TNS3: variants seen among roughly 807,000 people sequenced by gnomAD.
TNS3 encodes the protein tensin 3.
Under a neutral mutation model 140.9 loss-of-function variants are expected in TNS3, and 45 were observed. The ratio of observed to expected loss-of-function variants is 0.32; its 90% CI spans 0.25 to 0.41. TNS3 has a LOEUF of 0.41. Among genes scored for constraint, TNS3 ranks in the 10% least tolerant of loss-of-function variants. TNS3 has a pLI of 1.00. For synonymous variants in TNS3, 815 were observed against 788.4 expected (o/e 1.03, Z -0.56); for missense variants, 1,716 against 1,906.7 (o/e 0.90, Z 1.86).
At chr7:47,508,161 A>C (rs1798486547) in intron 2 of TNS3, among the ~76,000 whole-genome samples, 1 of 152,188 alleles carries the variant, frequency 6.6e-6, no homozygotes, top group Non-Finnish European at 1.5e-5. Context: ...TGATGTGTCA[A>C]AGTCAAAAAG....
chr7:47,434,810 G>A (rs527482568), intron 8 of TNS3, among the ~76,000 whole-genome samples: 1 of 152,318 alleles, frequency 6.6e-6, no homozygotes, highest in South Asian at 2.1e-4. Flanking sequence ...TGTCTGCACT[G>A]CAATGGCTCC....
chr7:47,441,712 A>T (rs1168609587), intron 5 of TNS3, among the ~76,000 whole-genome samples: 1 of 152,164 alleles, frequency 6.6e-6, no homozygotes, highest in African/African-American at 2.4e-5. Context: ...TCTTGCCAGC[A>T]CACCCTGGAG....
intron 30 of TNS3, 195 bp from the exon 31 acceptor site, chr7:47,278,415 T>C: frequency 1.6e-6 from 1 of 613,680 alleles, no homozygotes; most frequent in Non-Finnish European, 2.8e-6. Flanking sequence ...AGATGGGATG[T>C]CTGACTCTAG....
intron 20 of TNS3, among the ~76,000 whole-genome samples, chr7:47,324,190 C>T (rs996888372): frequency 2.6e-5 from 4 of 152,232 alleles, no homozygotes; most frequent in Admixed American, 6.5e-5. Flanking sequence ...GTCAATTTAT[C>T]TGTCCTTGTA....
At chr7:47,342,064 G>A (rs1397788687) in intron 20 of TNS3, among the ~76,000 whole-genome samples, 56 of 152,062 alleles carry the variant, frequency 3.7e-4, no homozygotes, top group Admixed American at 3.7e-3. Flanking sequence ...CATTGTGGTT[G>A]GAGAACATGT....
chr7:47,324,896 A>G (rs746264627), intron 20 of TNS3, among the ~76,000 whole-genome samples: 8 of 152,184 alleles, frequency 5.3e-5, no homozygotes, highest in South Asian at 2.1e-4. Flanking sequence ...TATCCCTTCA[A>G]TTGTCACCAA....
chr7:47,472,089 G>A (rs1449814442), intron 4 of TNS3, among the ~76,000 whole-genome samples: 2 of 152,180 alleles, frequency 1.3e-5, no homozygotes, highest in Non-Finnish European at 2.9e-5. Context: ...TTGGCTTGCA[G>A]ACACGTGGCT....
chr7:47,477,728 C>T (rs537378688), intron 4 of TNS3, among the ~76,000 whole-genome samples: 1 of 152,180 alleles, frequency 6.6e-6, no homozygotes, highest in Non-Finnish European at 1.5e-5. Context: ...CATGCCCATC[C>T]AAAATGCCAA....
At chr7:47,501,201 G>T (rs1229012568) in intron 3 of TNS3, among the ~76,000 whole-genome samples, 1 of 140,050 alleles carries the variant, frequency 7.1e-6, no homozygotes, top group Non-Finnish European at 1.6e-5. Context: ...AGGGAGGGAG[G>T]GAGGGAGGGA....
At chr7:47,385,484 G>A (rs142490893) in intron 16 of TNS3, among the ~76,000 whole-genome samples, 50 of 152,168 alleles carry the variant, frequency 3.3e-4, no homozygotes, top group African/African-American at 1.1e-3. Context: ...CAGCACTGCC[G>A]ATGCTCAGAG....
intron 12 of TNS3, among the ~76,000 whole-genome samples, chr7:47,412,601 A>C (rs1793835024): frequency 6.6e-6 from 1 of 152,218 alleles, no homozygotes; most frequent in South Asian, 2.1e-4. Flanking sequence ...CTCTCAAAAA[A>C]AATAAATAAA....
At chr7:47,300,262 G>T (rs924871364) in intron 23 of TNS3, among the ~76,000 whole-genome samples, 4 of 152,188 alleles carry the variant, frequency 2.6e-5, no homozygotes, top group Non-Finnish European at 4.4e-5. Context: ...GTCTGCACAG[G>T]TCTCTTCTAT....
At chr7:47,280,012 G>A (rs889011903) in intron 30 of TNS3, 152 bp downstream of exon 30, 8 of 886,214 alleles carry the variant, frequency 9.0e-6, no homozygotes, top group Admixed American at 5.2e-5. Context: ...TGTCCATAAT[G>A]AGAACACTTT....
At chr7:47,518,799 T>C (rs1236242763) in intron 2 of TNS3, among the ~76,000 whole-genome samples, 1 of 152,210 alleles carries the variant, frequency 6.6e-6, no homozygotes, top group Non-Finnish European at 1.5e-5. Flanking sequence ...GAGTATCAGT[T>C]ATTGTCCTCA....
At chr7:47,505,598 GC>G (rs144391135) in intron 3 of TNS3, among the ~76,000 whole-genome samples, 2,940 of 152,332 alleles carry the variant, frequency 0.019, 111 homozygotes, top group African/African-American at 0.068. Flanking sequence ...GAAGGGGGCA[GC>G]AAGGCCCTGT....
intron 1 of TNS3, among the ~76,000 whole-genome samples, chr7:47,542,142 T>C (rs1167433761): frequency 2.0e-5 from 3 of 152,146 alleles, no homozygotes; most frequent in Non-Finnish European, 4.4e-5. Context: ...ACATAGTCTC[T>C]AAATACTTTC....
chr7:47,284,354 G>C (rs981947033), intron 27 of TNS3, among the ~76,000 whole-genome samples: 2 of 152,174 alleles, frequency 1.3e-5, no homozygotes, highest in African/African-American at 4.8e-5. Context: ...CCAAGAGAAG[G>C]AATGGCTTGC....
At chr7:47,313,054 C>T (rs1787197870) in intron 20 of TNS3, among the ~76,000 whole-genome samples, 2 of 152,272 alleles carry the variant, frequency 1.3e-5, no homozygotes, top group South Asian at 2.1e-4. Flanking sequence ...ATTACTACTG[C>T]ATGGAGGAAC....
chr7:47,454,567 C>T (rs555526690), intron 4 of TNS3, among the ~76,000 whole-genome samples: 2 of 152,094 alleles, frequency 1.3e-5, no homozygotes, highest in South Asian at 2.1e-4. Flanking sequence ...GTCCAACTCC[C>T]GCATTTTACA....
Sources: gnomAD v4.1 joint callset for allele counts (sites outside exome capture counted in the v4.1 genomes callset) on GRCh38, gnomAD v4.1.1 for gene constraint, MANE v1.5 for transcripts, NCBI Gene and HGNC (gene_info 2026-07-23, HGNC 2026-07-21) for gene names.